Variants in PKD1 observed in about 807,000 individuals in gnomAD.
The protein encoded by PKD1 is polycystin 1, transient receptor potential channel interacting.
PKD1 carries 81 observed loss-of-function variants against 361.7 expected under a neutral mutation model. The ratio of observed to expected loss-of-function variants is 0.22; its 90% CI spans 0.19 to 0.27. PKD1 has a LOEUF of 0.27. Ranked by LOEUF, PKD1 falls within the 10% of genes least tolerant of loss-of-function variation. The probability of loss-of-function intolerance (pLI) is 1.00; values close to 1 mark genes in which losing one functional copy is unlikely to be tolerated. For synonymous variants in PKD1, 3,615 were observed against 2,818.3 expected (o/e 1.28, Z -8.95); for missense variants, 6,399 against 6,118.3 (o/e 1.05, Z -1.53).
chr16:2,105,256 C>T, intron 21 of PKD1, 66 bp downstream of exon 21: 3 of 1,554,706 alleles, frequency 1.9e-6, no homozygotes, highest in Non-Finnish European at 2.6e-6. Context: ...CCCGTCTGCC[C>T]TGGGGGGCTG....
In PKD1 at chr16:2,110,165, C is replaced by T. The variant is rs1048685052; in HGVS notation, c.5002G>A (p.Ala1668Thr). The T allele has an allele frequency of 3.7e-6, 6 of 1,610,504 alleles. No individual in the cohort carries two copies. The African/African-American group carries it at 5.3e-5, about 14-fold the overall frequency. ...DGTNVSYSWT[A>T]WRDRGPALAG... is the part of the protein sequence containing the mutation. ...AGGGCCGGGCCCCTGTCCCTCCAGG[C>T]AGTCCAGCTGTAGGAGACGTTGGTG... The change falls in exon 15 of 46, where the codon GCC (alanine) becomes ACC (threonine). Residue 1668 changes from alanine (A) to threonine (T), a missense_variant. Coordinates refer to ENST00000262304, the MANE Select transcript of PKD1 (RefSeq NM_001009944.3).
chr16:2,116,766 C>T, intron 7 of PKD1, 67 bp downstream of exon 7: 1 of 1,102,762 alleles, frequency 9.1e-7, no homozygotes, highest in African/African-American at 1.5e-5. Flanking sequence ...CCAGGCTCCA[C>T]CGCGGGCGCT....
Position 2,109,343 on chromosome 16 carries a change from G to A in PKD1, c.5824C>T (p.Arg1942Cys), listed in dbSNP as rs780100275. Residue 1942 changes from arginine to cysteine, a missense_variant, in exon 15 of 46, where the codon CGC becomes TGC. Transcript: ENST00000262304. ...PGPRFSHSFP[R>C]VGDHVVSVRG... ...ACGCTCACCACGTGGTCTCCGACGCGGGGGAAGCTGTGGGAGAAACGGGGC... is the reference window on the plus strand; with the variant it reads ...ACGCTCACCACGTGGTCTCCGACGCAGGGGAAGCTGTGGGAGAAACGGGGC... The A allele has an allele frequency of 5.7e-5, 91 of 1,590,968 alleles. No individual in the cohort carries two copies. The East Asian group carries it at 7.8e-4, about 14-fold the overall frequency.
At position 2,118,059 on chromosome 16, in the gene PKD1, G is replaced by A. The variant is rs368832415; in HGVS notation, c.933C>T (p.Ser311=). 4.2e-5 allele frequency: 68 copies of A among 1,605,300 alleles called. No homozygotes were observed. The African/African-American group carries it at 4.3e-4, about 10-fold the overall frequency. The change falls in exon 5 of 46, where the codon TCC becomes TCT. Residue 311 remains serine, a synonymous_variant. Coordinates refer to ENST00000262304, the MANE Select transcript of PKD1 (RefSeq NM_001009944.3). The surrounding 1 kb of genome is among the most constrained non-coding windows in gnomAD (Gnocchi z 6.0). ...TATRWDFGDG[S]AEVDAAGPAA... is the part of the protein sequence containing the mutation. The stretch of plus-strand genomic sequence containing the variant: ...CCGGCCCAGCGGCATCCACCTCGGC[G>A]GAGCCGTCTCCGAAGTCCCAGCGTG...
Position 2,089,699 on chromosome 16 carries a change from C to T in PKD1, c.*28G>A. ...TACTGAGCGGTGTCCACTCCGACTC[C>T]ACGGCCCACCCCCGCCAGGAAGGAG... is the stretch of plus-strand genomic sequence containing the variant. On this transcript the variant is annotated 3_prime_UTR_variant, in exon 46 of 46. Coordinates refer to ENST00000262304, the MANE Select transcript of PKD1 (RefSeq NM_001009944.3). The T allele has an allele frequency of 6.4e-7, 1 of 1,557,220 alleles. No individual in the cohort carries two copies. The highest frequency in any genetic ancestry group is 8.7e-7 in the Non-Finnish European group (1 of 1,151,676).
chr16:2,114,341 G>C lies in PKD1; in HGVS notation c.2682C>G (p.Phe894Leu). ...TGAGCCACGGCAGTGCTACCACTGA[G>C]AACAGGGTATCGTTGGTCTCCCAGG... The part of the protein sequence containing the change: ...GCPWETNDTL[F>L]SVVALPWLSE... Residue 894 changes from phenylalanine to leucine, a missense_variant, in exon 11 of 46, where the codon TTC becomes TTG. By Grantham distance (22) the Phe-to-Leu change is conservative. Transcript: ENST00000262304. 6.2e-7 allele frequency: 1 copy of C among 1,610,456 alleles called. No individual in the cohort carries two copies.
chr16:2,114,713 C>T lies in PKD1; in HGVS notation c.2310G>A (p.Arg770=). ...GTWACPACAL[R]LLAATEQLTV... is the part of the protein sequence containing the mutation. ...TGAGCTGTTCCGTGGCTGCAAGCAG[C>T]CGCAGGGCACAGGCAGGGCAGGCCC... Residue 770 remains arginine, a synonymous_variant, in exon 11 of 46, where the codon CGG becomes CGA. Coordinates refer to ENST00000262304, the MANE Select transcript of PKD1 (RefSeq NM_001009944.3). 6.5e-7 allele frequency: 1 copy of T among 1,533,634 alleles called. No homozygotes were observed.
rs746215131 is a variant in PKD1 at position 2,111,283 on chromosome 16, T to G, written c.3884A>C (p.Glu1295Ala). 3.1e-6 allele frequency: 5 copies of G among 1,609,354 alleles called. No individual in the cohort carries two copies. The African/African-American group carries it at 6.7e-5, about 22-fold the overall frequency. ...RSLHVLVFVL[E>A]VLRVEPAACI... The stretch of plus-strand genomic sequence containing the variant: ...GGCGGCGGGTTCAACGCGCAGCACC[T>G]CCAGGACGAAGACCAGCACGTGCAG... The change falls in exon 15 of 46, where the codon GAG becomes GCG. Residue 1295 changes from glutamate to alanine, a missense_variant. Physicochemically the swap from Glu to Ala is moderately radical, Grantham distance 107. Transcript: ENST00000262304.
At chr16:2,122,903 C>A (rs1383536879) in intron 1 of PKD1, among the ~76,000 whole-genome samples, 1 of 152,210 alleles carries the variant, frequency 6.6e-6, no homozygotes, top group African/African-American at 2.4e-5. Flanking sequence ...GCATGGGGAG[C>A]AGCTCCCACC....
Position 2,093,389 on chromosome 16 carries a change from G to C in PKD1, c.11016+155C>G, listed in dbSNP as rs1182980252. On this transcript the variant is annotated intron_variant, in intron 37 of 45. Transcript: ENST00000262304. Reference sequence around the variant, plus strand: ...ACTGGGGCAGCAAGTGGGGGGCGTGGGGTAGGAGGGAGACCGGGCAAAGGC... The same window carrying C: ...ACTGGGGCAGCAAGTGGGGGGCGTGCGGTAGGAGGGAGACCGGGCAAAGGC... 3.1e-5 allele frequency: 24 copies of C among 772,588 alleles called. No individual in the cohort carries two copies. The East Asian group carries it at 6.4e-4, about 21-fold the overall frequency. 47.9% of individuals were successfully genotyped at this position (772,588 alleles called of 1,614,324 possible).
In PKD1 at chr16:2,108,426, G is replaced by T. The variant is rs780430246; in HGVS notation, c.6741C>A (p.Ala2247=). The T allele has an allele frequency of 1.2e-6, 2 of 1,610,534 alleles. No individual in the cohort carries two copies. The highest frequency in any genetic ancestry group is 2.2e-5 in the East Asian group (1 of 44,876). Residue 2247 remains alanine (A), a synonymous_variant, in exon 15 of 46, where the codon GCC becomes GCA. Coordinates refer to ENST00000262304, the MANE Select transcript of PKD1 (RefSeq NM_001009944.3). ...GGCGCTCGGGGGCCACCGTCACATT[G>T]GCCTGGATGCTCTGTGTCAGTGGCG... ...GDTPLTQSIQ[A]NVTVAPERLV...
Position 2,099,845 on chromosome 16 carries a change from C to T in PKD1, c.9923+16G>A, listed in dbSNP as rs756985437. 6.4e-7 allele frequency: 1 copy of T among 1,562,536 alleles called. No homozygotes were observed. The highest frequency in any genetic ancestry group is 8.7e-7 in the Non-Finnish European group (1 of 1,154,674). On this transcript the variant is annotated intron_variant, in intron 29 of 45. Coordinates refer to ENST00000262304, the MANE Select transcript of PKD1 (RefSeq NM_001009944.3). ...GCTGGGCAGGAAGAGGCTGCCCCGA[C>T]CCCTACGGCACCCACCTGTAGGCAG...
chr16:2,108,076 C>G, intron 15 of PKD1, 44 bp from the exon 16 acceptor site: 1 of 1,586,830 alleles, frequency 6.3e-7, no homozygotes, highest in Non-Finnish European at 8.6e-7. Flanking sequence ...AGAGCCCCAT[C>G]CAGTTTTAAA....
At position 2,091,132 on chromosome 16, in the gene PKD1, C is replaced by A. The variant is rs1368794491; in HGVS notation, c.11755G>T (p.Ala3919Ser). Residue 3919 changes from alanine to serine, a missense_variant, in exon 43 of 46, where the codon GCC (alanine) becomes TCC (serine). Coordinates refer to ENST00000262304, the MANE Select transcript of PKD1 (RefSeq NM_001009944.3). ...LFAVHFAVAE[A>S]RTWHREGRWR... ...CGCCCTTCCCTGTGCCAAGTACGGG[C>A]CTCGGCCACGGCGAAGTGCACGGCG... 8.1e-6 allele frequency: 12 copies of A among 1,483,852 alleles called. No homozygotes were observed. In the Admixed American group the frequency reaches 9.0e-5, roughly 11 times the overall value. The allele number at this position is 1,483,852 out of a possible 1,614,324, so 91.9% of individuals were successfully genotyped here.
chr16:2,124,272 G>A (rs1196235130), intron 1 of PKD1, among the ~76,000 whole-genome samples: 5 of 152,230 alleles, frequency 3.3e-5, no homozygotes, highest in Non-Finnish European at 5.9e-5. Context: ...ATGCTGCAGC[G>A]GGTCTGCCCG....
rs2091741468 is a variant in PKD1 at position 2,094,187 on chromosome 16, G to A, written c.10523C>T (p.Thr3508Ile). The part of the protein sequence containing the change: ...SSLSSTPGEK[T>I]ETLALQRLGE... ...CAGCCTCTGCAGCGCCAGCGTCTCTGTCTTCTCCCCAGGAGTGCTGGACCT... is the reference window on the plus strand; with the variant it reads ...CAGCCTCTGCAGCGCCAGCGTCTCTATCTTCTCCCCAGGAGTGCTGGACCT... Residue 3508 changes from threonine to isoleucine, a missense_variant, in exon 35 of 46, where the codon ACA (threonine) becomes ATA (isoleucine). Coordinates refer to ENST00000262304, the MANE Select transcript of PKD1 (RefSeq NM_001009944.3). The A allele has an allele frequency of 1.2e-6, 2 of 1,605,756 alleles. No individual in the cohort carries two copies. The highest frequency in any genetic ancestry group is 1.7e-6 in the Non-Finnish European group (2 of 1,175,130).
In PKD1 at chr16:2,097,725, C is replaced by CA. The variant is rs2091905007; in HGVS notation, c.10220+2dup. 1 of 1,610,920 alleles carries CA rather than the reference C, an allele frequency of 6.2e-7. No homozygotes were observed. Among genetic ancestry groups the CA allele is most frequent in the African/African-American group, 1.3e-5 (1 of 74,868 alleles). Reference sequence around the variant, plus strand: ...GGGCTCGAGGTTTCTCTAGGGAACCCACCTCTTAGAATCATCCAGAAACAA... The same window carrying CA: ...GGGCTCGAGGTTTCTCTAGGGAACCCAACCTCTTAGAATCATCCAGAAACAA... On this transcript the variant is annotated splice_region_variant and intron_variant, in intron 32 of 45. Coordinates refer to ENST00000262304, the MANE Select transcript of PKD1 (RefSeq NM_001009944.3).
intron 3 of PKD1, 82 bp downstream of exon 3, chr16:2,119,032 G>A: frequency 3.2e-6 from 3 of 941,126 alleles, no homozygotes; most frequent in Non-Finnish European, 3.3e-6. Flanking sequence ...CCTGGAAGGG[G>A]ACACGGACCA....
chr16:2,096,937 G>A lies in PKD1; in HGVS notation c.10499+211C>T. On this transcript the variant is annotated intron_variant, in intron 34 of 45. Transcript: ENST00000262304. ...TGCTCCTACAAAGCCCCATGAGCCT[G>A]CTCCCTCCCTAGAGGGAAGGTTCTG... 6 of 596,168 alleles carry A rather than the reference G, an allele frequency of 1.0e-5. 1 individual carries two copies. In the South Asian group the frequency reaches 1.2e-4, roughly 12 times the overall value. The allele number at this position is 596,168 out of a possible 1,614,324, so 36.9% of individuals were successfully genotyped here.
Sources: allele counts gnomAD v4.1 joint callset (sites outside exome capture counted in the v4.1 genomes callset), GRCh38; gene constraint gnomAD v4.1.1; non-coding constraint Gnocchi (gnomAD v3.1); transcripts MANE v1.5; gene names NCBI Gene and HGNC (gene_info 2026-07-23, HGNC 2026-07-21).